The following KLHDC10 variants were observed in gnomAD, a reference collection of about 807,000 sequenced individuals.
The protein encoded by KLHDC10 is kelch domain containing 10, also known as kelch domain-containing protein 10.
Under a neutral mutation model 56.1 loss-of-function variants are expected in KLHDC10, and 24 were observed. That is an observed-to-expected ratio of 0.43 (90% confidence interval 0.31 to 0.60). KLHDC10 has a LOEUF of 0.60. Among genes scored for constraint, KLHDC10 ranks in the 20% least tolerant of loss-of-function variants. The pLI, the probability that KLHDC10 is intolerant of heterozygous loss-of-function variation, is 0.11. For synonymous variants in KLHDC10, 188 were observed against 207.1 expected, an observed-to-expected ratio of 0.91 and a Z score of 0.79; for missense variants, 349 against 567.0, an observed-to-expected ratio of 0.62 and a Z score of 3.91.
At chr7:130,084,198 A>G (rs1795650246) in intron 1 of KLHDC10, among the ~76,000 whole-genome samples, 2 of 152,210 alleles carry the variant, frequency 1.3e-5, no homozygotes, top group South Asian at 4.1e-4. Context: ...ATAAAATTGA[A>G]GGGTAACTAT....
At chr7:130,091,380 G>C (rs1795770995) in intron 1 of KLHDC10, among the ~76,000 whole-genome samples, 1 of 152,106 alleles carries the variant, frequency 6.6e-6, no homozygotes, top group Admixed American at 6.5e-5. Flanking sequence ...GGCAACTACT[G>C]TTAACTAGTC....
chr7:130,110,178 T>C (rs1047250682), intron 2 of KLHDC10, among the ~76,000 whole-genome samples: 1 of 152,210 alleles, frequency 6.6e-6, no homozygotes, highest in Non-Finnish European at 1.5e-5. Flanking sequence ...TGAAATAATA[T>C]TGTGATCATC....
intron 7 of KLHDC10, 34 bp downstream of exon 7, chr7:130,125,965 C>T (rs771346372): frequency 7.2e-7 from 1 of 1,396,912 alleles, no homozygotes. Flanking sequence ...TTATCTTTAA[C>T]AAACATGTAT....
chr7:130,087,109 T>G (rs534747597), intron 1 of KLHDC10, among the ~76,000 whole-genome samples: 7 of 152,318 alleles, frequency 4.6e-5, no homozygotes, highest in Admixed American at 2.0e-4. Context: ...GAGCTAGGAT[T>G]TAGACCCAGG....
chr7:130,088,596 G>C (rs769722828), intron 1 of KLHDC10, among the ~76,000 whole-genome samples: 6 of 149,704 alleles, frequency 4.0e-5, no homozygotes, highest in Admixed American at 6.7e-5. Flanking sequence ...TTTCAAAATT[G>C]ATCACTTTTC....
intron 1 of KLHDC10, among the ~76,000 whole-genome samples, chr7:130,073,077 G>A (rs1452647985): frequency 6.7e-6 from 1 of 150,082 alleles, no homozygotes; most frequent in Non-Finnish European, 1.5e-5. Flanking sequence ...TTTTTTGAGT[G>A]TACTATAGCG....
At chr7:130,097,044 G>A in intron 2 of KLHDC10, 37 bp downstream of exon 2, 1 of 1,335,862 alleles carries the variant, frequency 7.5e-7, no homozygotes, top group Non-Finnish European at 1.0e-6. Context: ...TGCTTCGTAT[G>A]GGTTAAAGGG....
chr7:130,112,309 C>T (rs1796113011), intron 2 of KLHDC10, among the ~76,000 whole-genome samples: 1 of 152,162 alleles, frequency 6.6e-6, no homozygotes, highest in Non-Finnish European at 1.5e-5. Context: ...GGGTAAAGAG[C>T]AAGTCCTTGT....
At chr7:130,070,944 A>G (rs997983268) in intron 1 of KLHDC10, 135 bp downstream of exon 1, 16 of 520,614 alleles carry the variant, frequency 3.1e-5, no homozygotes, top group Non-Finnish European at 4.5e-5. Context: ...TGGGGATCAG[A>G]GAAAAGGGAA....
At chr7:130,110,275 C>CT (rs1308846797) in intron 2 of KLHDC10, among the ~76,000 whole-genome samples, 1 of 152,106 alleles carries the variant, frequency 6.6e-6, no homozygotes, top group Admixed American at 6.5e-5. Flanking sequence ...GTCCATGGGA[C>CT]TTTTTATAGA....
In KLHDC10 at chr7:130,116,790, G is replaced by C; in HGVS notation, c.475+124G>C. On this transcript the variant is annotated intron_variant, in intron 3 of 9. Coordinates refer to ENST00000335420, the MANE Select transcript of KLHDC10 (RefSeq NM_014997.4). The surrounding 1 kb of genome is among the most constrained non-coding windows in gnomAD (Gnocchi z 4.8). ...GTGATTTCGCCCTGTGGGTGGATAG[G>C]CTTTTTACTAGGGTAATAACAGTAT... 1.3e-6 allele frequency: 1 copy of C among 766,466 alleles called. No homozygotes were observed. The highest frequency in any genetic ancestry group is 2.2e-6 in the Non-Finnish European group (1 of 460,674). 47.5% of individuals were successfully genotyped at this position (766,466 alleles called of 1,614,324 possible). A position where few individuals can be genotyped will look rare whatever the true frequency, so the allele number is the denominator to read the frequency against.
chr7:130,078,931 C>T (rs1203199942), intron 1 of KLHDC10, among the ~76,000 whole-genome samples: 1 of 152,218 alleles, frequency 6.6e-6, no homozygotes, highest in East Asian at 1.9e-4. Flanking sequence ...TTCCTTACTT[C>T]AATCAGATAT....
Position 130,090,226 on chromosome 7 carries a change from C to A in KLHDC10, c.167-6695C>A, listed in dbSNP as rs116619507. ...TCCATATTGGCACCATCTTTTTTTT[C>A]TTCTTTTTGGTTTTTATTTAATTTT... On this transcript the variant is annotated intron_variant, in intron 1 of 9. Transcript: ENST00000335420. 8.5e-3 allele frequency among the ~76,000 whole-genome samples: 1,292 copies of A among 151,456 alleles called. 14 individuals are homozygous for A. The highest frequency in any genetic ancestry group is 0.03 in the African/African-American group (1,248 of 41,334).
chr7:130,112,285 C>T lies in KLHDC10; in HGVS notation c.254-4160C>T, dbSNP rs1796112610. On this transcript the variant is annotated intron_variant, in intron 2 of 9. Coordinates refer to ENST00000335420, the MANE Select transcript of KLHDC10 (RefSeq NM_014997.4). ...CCCATTTCCCTGGTTACCGTAAGTTCCTGCTTGCTCCCTGGGTAAAGAGCA... is the reference window on the plus strand; with the variant it reads ...CCCATTTCCCTGGTTACCGTAAGTTTCTGCTTGCTCCCTGGGTAAAGAGCA... Among the ~76,000 whole-genome samples, 2 of 152,226 alleles carry T rather than the reference C, an allele frequency of 1.3e-5. 1 individual carries two copies. The highest frequency in any genetic ancestry group is 4.2e-4 in the South Asian group (2 of 4,818).
At chr7:130,093,822 T>C (rs1334652381) in intron 1 of KLHDC10, among the ~76,000 whole-genome samples, 1 of 152,158 alleles carries the variant, frequency 6.6e-6, no homozygotes. Flanking sequence ...CATACAGACT[T>C]ATGCTGGTTG....
chr7:130,083,411 G>A (rs1227128117), intron 1 of KLHDC10, among the ~76,000 whole-genome samples: 1 of 152,060 alleles, frequency 6.6e-6, no homozygotes, highest in Non-Finnish European at 1.5e-5. Context: ...TTATATTTCA[G>A]CTATACAGAA....
rs890035090 is a variant in KLHDC10 at position 130,124,520 on chromosome 7, A to G, written c.849A>G (p.Ala283=). The G allele has an allele frequency of 1.3e-6, 2 of 1,575,158 alleles. No homozygotes were observed. The highest frequency in any genetic ancestry group is 1.3e-5 in the African/African-American group (1 of 74,342). ...YILGGGTSWT[A]YSLNKIHAYN... is the part of the protein sequence containing the mutation. ...TGGGAGGTGGTACTTCCTGGACAGC[A>G]TATTCCTTAAACAAGGTATATTTTT... The change falls in exon 6 of 10, where the codon GCA becomes GCG. Residue 283 remains alanine (A), a synonymous_variant. Transcript: ENST00000335420.
chr7:130,099,861 A>G (rs922005896), intron 2 of KLHDC10, among the ~76,000 whole-genome samples: 12 of 152,158 alleles, frequency 7.9e-5, no homozygotes, highest in Admixed American at 6.5e-4. Context: ...TGTAATAGGA[A>G]TGGAGAATAG....
At chr7:130,093,269 ATCTTGGCTTACTGCAACC>A (rs1488143023) in intron 1 of KLHDC10, among the ~76,000 whole-genome samples, 3 of 152,048 alleles carry the variant, frequency 2.0e-5, no homozygotes, top group Non-Finnish European at 4.4e-5. Context: ...CAGTGGCGTG[ATCTTGGCTTACTGCAACC>A]TCTGCCTCCT....
Sources: gnomAD v4.1 joint callset for allele counts (sites outside exome capture counted in the v4.1 genomes callset) on GRCh38, gnomAD v4.1.1 for gene constraint, Gnocchi (gnomAD v3.1) non-coding constraint, MANE v1.5 for transcripts, NCBI Gene and HGNC (gene_info 2026-07-23, HGNC 2026-07-21) for gene names.